UTRN: variants seen among roughly 807,000 people sequenced by gnomAD.
UTRN encodes the protein dystrophin-related protein 1.
In UTRN, 283 loss-of-function variants were observed where a neutral mutation model predicts 463.9. The observed-to-expected ratio is 0.61, with a 90% confidence interval of 0.55 to 0.67. UTRN has a LOEUF of 0.67. UTRN is among the 30% of genes least tolerant of loss of function. The pLI is 0.00. For missense variants in UTRN, 3,922 were observed against 4,084.3 expected, an observed-to-expected ratio of 0.96 and a Z score of 1.08; for synonymous variants, 1,442 against 1,431.5, an observed-to-expected ratio of 1.01 and a Z score of -0.17.
At chr6:144,772,579 C>T (rs575757890) in intron 59 of UTRN, among the ~76,000 whole-genome samples, 4 of 152,164 alleles carry the variant, frequency 2.6e-5, no homozygotes, top group Admixed American at 6.5e-5. Context: ...CAGCTTTGCA[C>T]GCAAAAAATA....
chr6:144,418,918 C>T (rs561724607), intron 3 of UTRN, among the ~76,000 whole-genome samples: 1 of 152,210 alleles, frequency 6.6e-6, no homozygotes, highest in South Asian at 2.1e-4. Flanking sequence ...TCAGGCTGCC[C>T]AGGTGTTATA....
intron 51 of UTRN, among the ~76,000 whole-genome samples, chr6:144,644,090 A>T (rs1222576079): frequency 1.3e-5 from 2 of 152,226 alleles, no homozygotes; most frequent in African/African-American, 4.8e-5. Flanking sequence ...GCATGAATCC[A>T]CAATTGCTGA....
intron 53 of UTRN, among the ~76,000 whole-genome samples, chr6:144,722,224 A>G (rs1787266854): frequency 6.6e-6 from 1 of 152,168 alleles, no homozygotes; most frequent in Non-Finnish European, 1.5e-5. Context: ...TAAGCTAGGC[A>G]TGCACTTGCC....
chr6:144,839,349 T>A, intron 72 of UTRN, 65 bp downstream of exon 72: 1 of 1,385,056 alleles, frequency 7.2e-7, no homozygotes, highest in Non-Finnish European at 1.0e-6. Flanking sequence ...TAGTTTGTGT[T>A]TCCTGTTAAG....
chr6:144,369,715 G>A (rs1390512694), intron 2 of UTRN, among the ~76,000 whole-genome samples: 2 of 152,226 alleles, frequency 1.3e-5, no homozygotes, highest in Non-Finnish European at 2.9e-5. Context: ...ATCTTGAATT[G>A]TATCTCCCAT....
chr6:144,343,378 A>G (rs997084099), intron 2 of UTRN, among the ~76,000 whole-genome samples: 2 of 144,280 alleles, frequency 1.4e-5, no homozygotes, highest in African/African-American at 5.7e-5. Flanking sequence ...ACACACACAC[A>G]CACACACACA....
intron 38 of UTRN, 48 bp from the exon 39 acceptor site, chr6:144,516,763 T>TA (rs764628608): frequency 7.3e-6 from 10 of 1,374,840 alleles, no homozygotes; most frequent in African/African-American, 1.5e-5. Context: ...GAAGTGACCT[T>TA]ATGCATTTTT....
intron 46 of UTRN, among the ~76,000 whole-genome samples, chr6:144,546,294 T>C (rs1301089046): frequency 6.6e-6 from 1 of 152,170 alleles, no homozygotes; most frequent in Non-Finnish European, 1.5e-5. Flanking sequence ...TTCTTATTGT[T>C]CTACAGCATT....
intron 2 of UTRN, among the ~76,000 whole-genome samples, chr6:144,301,801 C>T (rs1414115319): frequency 6.6e-6 from 1 of 152,070 alleles, no homozygotes; most frequent in Non-Finnish European, 1.5e-5. Context: ...TCCCAAAATA[C>T]TGGATTACAG....
chr6:144,715,057 C>T (rs1786239286), intron 53 of UTRN, among the ~76,000 whole-genome samples: 1 of 152,116 alleles, frequency 6.6e-6, no homozygotes, highest in South Asian at 2.1e-4. Flanking sequence ...TTTAAAAATG[C>T]CATCTATATG....
At chr6:144,654,655 A>C (rs1779146578) in intron 51 of UTRN, among the ~76,000 whole-genome samples, 1 of 152,230 alleles carries the variant, frequency 6.6e-6, no homozygotes, top group Non-Finnish European at 1.5e-5. Context: ...TGCATATGCT[A>C]CAGGCTTGTG....
At chr6:144,418,335 T>C (rs1207968274) in intron 3 of UTRN, among the ~76,000 whole-genome samples, 1 of 150,184 alleles carries the variant, frequency 6.7e-6, no homozygotes, top group Non-Finnish European at 1.5e-5. Flanking sequence ...TGCCTCAGCC[T>C]CCCGAGTAGC....
At chr6:144,713,763 A>G (rs1786033045) in intron 53 of UTRN, among the ~76,000 whole-genome samples, 1 of 150,868 alleles carries the variant, frequency 6.6e-6, no homozygotes, top group Non-Finnish European at 1.5e-5. Context: ...TCTACTAAAA[A>G]TACAAAATTT....
intron 65 of UTRN, among the ~76,000 whole-genome samples, chr6:144,820,536 A>G (rs991692308): frequency 2.0e-5 from 3 of 152,186 alleles, no homozygotes; most frequent in African/African-American, 7.2e-5. Flanking sequence ...GCAAATTGAA[A>G]ATTTTTTTAG....
chr6:144,609,695 A>T (rs1392363219), intron 51 of UTRN, among the ~76,000 whole-genome samples: 1 of 152,256 alleles, frequency 6.6e-6, no homozygotes, highest in Non-Finnish European at 1.5e-5. Flanking sequence ...AACAAACCTT[A>T]GCAAATGTAA....
intron 51 of UTRN, among the ~76,000 whole-genome samples, chr6:144,662,050 A>G (rs1437308961): frequency 6.6e-6 from 1 of 152,052 alleles, no homozygotes; most frequent in Non-Finnish European, 1.5e-5. Context: ...GGCGAACTCA[A>G]AGAAACAGTC....
chr6:144,405,762 A>C (rs1783337726), intron 3 of UTRN, among the ~76,000 whole-genome samples: 2 of 152,320 alleles, frequency 1.3e-5, no homozygotes, highest in South Asian at 4.1e-4. Context: ...AGTCAATCAA[A>C]CATCGAGCCT....
chr6:144,461,439 G>A (rs748985244), intron 22 of UTRN, 97 bp downstream of exon 22: 3 of 1,311,792 alleles, frequency 2.3e-6, no homozygotes, highest in Non-Finnish European at 3.0e-6. Flanking sequence ...AAAAAAGTTG[G>A]TCAGTTTTGT....
At position 144,696,917 on chromosome 6, in the gene UTRN, T is replaced by C. The variant is rs180780861; in HGVS notation, c.7653-3170T>C. On this transcript the variant is annotated intron_variant, in intron 52 of 74. Coordinates refer to ENST00000367545, the MANE Select transcript of UTRN (RefSeq NM_007124.3). ...CTTGAAGATACAGTTTGTTTGAAAG[T>C]TGGAGGCTTTTGCTGATTTAAAACA... Among the ~76,000 whole-genome samples, 3 of 152,290 alleles carry C rather than the reference T, an allele frequency of 2.0e-5. No individual in the cohort carries two copies. In the East Asian group the frequency reaches 5.8e-4, roughly 29 times the overall value.
Sources: gnomAD v4.1 joint callset for allele counts (sites outside exome capture counted in the v4.1 genomes callset) on GRCh38, gnomAD v4.1.1 for gene constraint, MANE v1.5 for transcripts, NCBI Gene and HGNC (gene_info 2026-07-23, HGNC 2026-07-21) for gene names.